SMG7: variants seen among roughly 807,000 people sequenced by gnomAD.
SMG7 encodes the protein SMG7 nonsense mediated mRNA decay factor, also known as nonsense-mediated mRNA decay factor SMG7.
In SMG7, 34 loss-of-function variants were observed where a neutral mutation model predicts 148.2. The ratio of observed to expected loss-of-function variants is 0.23; its 90% CI spans 0.17 to 0.31. The LOEUF is 0.31. Among genes scored for constraint, SMG7 ranks in the 10% least tolerant of loss-of-function variants. The pLI is 1.00. For synonymous variants in SMG7, 492 were observed against 515.1 expected, an observed-to-expected ratio of 0.96 and a Z score of 0.61; for missense variants, 1,114 against 1,408.4, an observed-to-expected ratio of 0.79 and a Z score of 3.35.
At chr1:183,549,159 A>C (rs764182013) in intron 18 of SMG7, 49 bp from the exon 19 acceptor site, 18 of 1,380,540 alleles carry the variant, frequency 1.3e-5, no homozygotes, top group Non-Finnish European at 1.7e-5. Flanking sequence ...ATTAATATTA[A>C]GAAAATAGAA....
At chr1:183,543,781 G>C (rs975710575) in intron 14 of SMG7, among the ~76,000 whole-genome samples, 10 of 152,038 alleles carry the variant, frequency 6.6e-5, no homozygotes, top group African/African-American at 2.2e-4. Context: ...CTACTCTCTG[G>C]CTCCATCTAT....
intron 18 of SMG7, among the ~76,000 whole-genome samples, chr1:183,548,251 C>G (rs1670283293): frequency 6.6e-6 from 1 of 152,186 alleles, no homozygotes; most frequent in Admixed American, 6.5e-5. Flanking sequence ...AAAGATCCCC[C>G]TGGAGACTTA....
chr1:183,522,070 G>A (rs1664888874), intron 4 of SMG7, among the ~76,000 whole-genome samples: 1 of 152,136 alleles, frequency 6.6e-6, no homozygotes, highest in Non-Finnish European at 1.5e-5. Context: ...TAAAGGAGGA[G>A]TCAAAGCAAA....
At chr1:183,526,475 T>G (rs984338150) in intron 4 of SMG7, 121 bp from the exon 5 acceptor site, 14 of 633,968 alleles carry the variant, frequency 2.2e-5, no homozygotes, top group Non-Finnish European at 2.4e-5. Flanking sequence ...CATATAATTT[T>G]CATGCAGTTT....
At chr1:183,486,723 G>A (rs545542075) in intron 1 of SMG7, among the ~76,000 whole-genome samples, 10 of 151,442 alleles carry the variant, frequency 6.6e-5, no homozygotes, top group Non-Finnish European at 1.2e-4. Context: ...CTTTTTTTCT[G>A]AGACAGGGTC....
At chr1:183,537,310 T>A in intron 11 of SMG7, 95 bp downstream of exon 11, 1 of 884,820 alleles carries the variant, frequency 1.1e-6, no homozygotes, top group East Asian at 2.4e-5. Flanking sequence ...TGATGAATGA[T>A]TGATTTTAAA....
Position 183,553,064 on chromosome 1 carries a change from C to T in SMG7, c.*1133C>T. 3 of 1,536,240 alleles carry T rather than the reference C, an allele frequency of 2.0e-6. No individual in the cohort carries two copies. The highest frequency in any genetic ancestry group is 2.6e-6 in the Non-Finnish European group (3 of 1,146,930). ...CAGTATCTGCGTAGCCCACAGAGGG[C>T]CCAGGCCCCTGCCCAGCTGCAGTCT... is the stretch of plus-strand genomic sequence containing the variant. On this transcript the variant is annotated 3_prime_UTR_variant, in exon 23 of 23. Transcript: ENST00000688051.
rs141899122 is a variant in SMG7, at chr1:183,513,880, AT to A, written c.61+1014del. Among the ~76,000 whole-genome samples the A allele has an allele frequency of 3.1e-3, 472 of 152,066 alleles. 25 individuals carry two copies. The East Asian group carries it at 0.081, about 26-fold the overall frequency. ...CCCCGTCTGTATTAAAAATACAAAA[AT>A]TAGCTGGGCGTGGTGGCATGCACCT... On this transcript the variant is annotated intron_variant, in intron 2 of 22. Coordinates refer to ENST00000688051, the MANE Select transcript of SMG7 (RefSeq NM_001375584.1).
At chr1:183,517,597 T>C in intron 3 of SMG7, 91 bp from the exon 4 acceptor site, 1 of 1,190,320 alleles carries the variant, frequency 8.4e-7, no homozygotes, top group Non-Finnish European at 1.3e-6. Flanking sequence ...GTGGTATAAT[T>C]ATAACAGACA....
chr1:183,543,966 C>A (rs1198209848), intron 14 of SMG7, among the ~76,000 whole-genome samples: 1 of 152,096 alleles, frequency 6.6e-6, no homozygotes, highest in Non-Finnish European at 1.5e-5. Flanking sequence ...GTTCATAATT[C>A]ATGTATGTCG....
intron 17 of SMG7, 149 bp downstream of exon 17, chr1:183,546,486 C>A: frequency 1.2e-6 from 1 of 821,804 alleles, no homozygotes; most frequent in East Asian, 2.6e-5. Context: ...TCTTGGTTTC[C>A]TCCTCAGAGT....
chr1:183,523,451 G>A (rs1438864720), intron 4 of SMG7, among the ~76,000 whole-genome samples: 1 of 152,092 alleles, frequency 6.6e-6, no homozygotes, highest in Non-Finnish European at 1.5e-5. Flanking sequence ...AAGAACTAGA[G>A]GCATTAATAT....
At chr1:183,532,148 A>G (rs1666986414) in intron 8 of SMG7, among the ~76,000 whole-genome samples, 1 of 152,186 alleles carries the variant, frequency 6.6e-6, no homozygotes, top group South Asian at 2.1e-4. Context: ...GTAAATAAAA[A>G]CAAAAATCTC....
chr1:183,482,179 TAG>T (rs1654297835), intron 1 of SMG7, among the ~76,000 whole-genome samples: 1 of 152,026 alleles, frequency 6.6e-6, no homozygotes, highest in Admixed American at 6.6e-5. Flanking sequence ...CCATATAAAT[TAG>T]AGATTTTGAT....
intron 10 of SMG7, among the ~76,000 whole-genome samples, chr1:183,536,247 T>TA (rs1667770905): frequency 6.6e-6 from 1 of 152,140 alleles, no homozygotes; most frequent in Admixed American, 6.5e-5. Flanking sequence ...CCAAAACCAA[T>TA]TATTTTAAGC....
chr1:183,546,462 A>G, intron 17 of SMG7, 125 bp downstream of exon 17: 1 of 1,000,790 alleles, frequency 1.0e-6, no homozygotes, highest in Non-Finnish European at 1.5e-6. Flanking sequence ...AATGCCACTG[A>G]GTATTGGTGT....
At chr1:183,495,821 T>C (rs1658346613) in intron 1 of SMG7, among the ~76,000 whole-genome samples, 1 of 151,996 alleles carries the variant, frequency 6.6e-6, no homozygotes, top group South Asian at 2.1e-4. Flanking sequence ...TGAGCCCAGA[T>C]TGTGCCACTG....
chr1:183,497,669 A>G (rs1406187010), intron 1 of SMG7, among the ~76,000 whole-genome samples: 1 of 152,044 alleles, frequency 6.6e-6, no homozygotes, highest in Non-Finnish European at 1.5e-5. Context: ...TCCCCGGTTC[A>G]TGCGATTCTC....
intron 1 of SMG7, among the ~76,000 whole-genome samples, chr1:183,512,363 A>C (rs990327117): frequency 1.3e-5 from 2 of 152,170 alleles, no homozygotes; most frequent in African/African-American, 2.4e-5. Context: ...AGTAAGTGGG[A>C]ATTGTTTTCC....
Sources: gnomAD v4.1 joint callset for allele counts (sites outside exome capture counted in the v4.1 genomes callset) on GRCh38, gnomAD v4.1.1 for gene constraint, MANE v1.5 for transcripts, NCBI Gene and HGNC (gene_info 2026-07-23, HGNC 2026-07-21) for gene names.